Variants in PATL1 observed in about 807,000 individuals in gnomAD.
PATL1 encodes protein PAT1 homolog 1.
Under a neutral mutation model 100.6 loss-of-function variants are expected in PATL1, and 32 were observed. That is an observed-to-expected ratio of 0.32 (90% CI 0.24 to 0.43). PATL1 has a LOEUF of 0.43. Ranked by LOEUF, PATL1 falls within the 20% of genes least tolerant of loss-of-function variation. PATL1 has a pLI of 1.00. For synonymous variants in PATL1, 332 were observed against 330.0 expected (o/e 1.01, Z -0.07); for missense variants, 747 against 949.9 (o/e 0.79, Z 2.81).
chr11:59,644,246 C>T (rs886331734), intron 15 of PATL1, among the ~76,000 whole-genome samples: 5 of 152,124 alleles, frequency 3.3e-5, no homozygotes, highest in Non-Finnish European at 7.4e-5. Context: ...CATATCATTT[C>T]ATCCCAAAAT....
intron 15 of PATL1, among the ~76,000 whole-genome samples, chr11:59,643,267 A>T (rs923028014): frequency 6.6e-6 from 1 of 152,090 alleles, no homozygotes; most frequent in Admixed American, 6.5e-5. Context: ...GTAAAAAAAA[A>T]TCACTCCCAA....
chr11:59,668,899 TGGGGAGGG>T lies in PATL1; in HGVS notation c.-12_-5del. Reference sequence around the variant, plus strand: ...AGCTCACCTCGTAGCGGAACATTCTTGGGGAGGGGGGCAGGGAGCGGGGAGGGGAGAGG... The same window carrying T: ...AGCTCACCTCGTAGCGGAACATTCTTGGGCAGGGAGCGGGGAGGGGAGAGG... On this transcript the variant is annotated 5_prime_UTR_variant, in exon 1 of 19. Coordinates refer to ENST00000300146, the MANE Select transcript of PATL1 (RefSeq NM_152716.3). The T allele has an allele frequency of 4.5e-6, 3 of 667,752 alleles. No homozygotes were observed. The highest frequency in any genetic ancestry group is 6.3e-6 in the Non-Finnish European group (3 of 478,258). 41.4% of individuals were successfully genotyped at this position (667,752 alleles called of 1,614,324 possible). A position where few individuals can be genotyped will look rare whatever the true frequency, so the allele number is the denominator to read the frequency against.
chr11:59,664,474 T>C (rs1412411213), intron 2 of PATL1, among the ~76,000 whole-genome samples: 2 of 152,314 alleles, frequency 1.3e-5, no homozygotes, highest in East Asian at 3.9e-4. Context: ...ACTGAAGAAT[T>C]TGTTGAAAAA....
chr11:59,654,100 G>A (rs760414031), intron 8 of PATL1, 28 bp from the exon 9 acceptor site: 1 of 1,572,792 alleles, frequency 6.4e-7, no homozygotes, highest in Non-Finnish European at 8.8e-7. Context: ...GAGGTTCTCA[G>A]TTTGGTCATC....
In PATL1 at chr11:59,659,410, C is replaced by T. The variant is rs933076902; in HGVS notation, c.187G>A (p.Ala63Thr). Residue 63 changes from alanine to threonine, a missense_variant, in exon 3 of 19, where the codon GCA (alanine) becomes ACA (threonine). Transcript: ENST00000300146. ...CCATTGCCTGTTTGTTCATTAACTG[C>T]CACTGGTAGCTTTTCTTCCAATTCA... ...LAELEEKLPV[A>T]VNEQTGNGER... 12 of 1,551,414 alleles carry T rather than the reference C, an allele frequency of 7.7e-6. No homozygotes were observed. In the African/African-American group the frequency reaches 1.6e-4, roughly 21 times the overall value.
At position 59,655,938 on chromosome 11, in the gene PATL1, G is replaced by C. The variant is rs183170297; in HGVS notation, c.813+18C>G. 1 of 1,551,124 alleles carries C rather than the reference G, an allele frequency of 6.4e-7. No individual in the cohort carries two copies. Among genetic ancestry groups the C allele is most frequent in the East Asian group, 2.3e-5 (1 of 43,354 alleles). ...AAGTAGGAGAGTTCTTTATGGGTAG[G>C]GCTAATCACAGGCTTACCTGTGCTC... On this transcript the variant is annotated intron_variant, in intron 7 of 18. Transcript: ENST00000300146.
intron 16 of PATL1, among the ~76,000 whole-genome samples, chr11:59,641,401 G>C (rs1477555067): frequency 1.3e-5 from 2 of 152,082 alleles, no homozygotes; most frequent in African/African-American, 4.8e-5. Context: ...TAAAAGGAAG[G>C]CTGGCAGTAC....
chr11:59,639,995 A>G (rs376589944), intron 16 of PATL1: 15 of 152,400 alleles, frequency 9.8e-5, no homozygotes, highest in African/African-American at 3.4e-4. Context: ...GGGTAAACAG[A>G]TGTATACACC....
In PATL1 at chr11:59,636,957, A is replaced by G. The variant is rs150128153; in HGVS notation, c.*1433T>C. On this transcript the variant is annotated 3_prime_UTR_variant, in exon 19 of 19. Transcript: ENST00000300146. ...AACATCACTGGGGAACAGCTGGTGG[A>G]GCCTGGGGTTACAGCATGGGAAGAA... 1.5e-3 allele frequency: 225 copies of G among 152,838 alleles called. 1 individual carries two copies. Among genetic ancestry groups the G allele is most frequent in the East Asian group, 0.013 (69 of 5,182 alleles). 9.5% of individuals were successfully genotyped at this position (152,838 alleles called of 1,614,324 possible).
At chr11:59,642,740 G>A (rs34350918) in intron 16 of PATL1, 140 bp downstream of exon 16, 21 of 864,984 alleles carry the variant, frequency 2.4e-5, no homozygotes, top group South Asian at 4.5e-5. Flanking sequence ...ATTTCTAGCC[G>A]GTTACTAGGA....
chr11:59,657,761 C>A, intron 4 of PATL1, 37 bp from the exon 5 acceptor site: 2 of 1,482,604 alleles, frequency 1.3e-6, no homozygotes, highest in South Asian at 1.3e-5. Context: ...TAGAAATTAA[C>A]TAACTTGGTA....
intron 2 of PATL1, among the ~76,000 whole-genome samples, chr11:59,661,603 TAACC>T (rs915131148): frequency 6.6e-6 from 1 of 152,224 alleles, no homozygotes; most frequent in African/African-American, 2.4e-5. Context: ...TAACAGGTTA[TAACC>T]AACACAGAAA....
intron 15 of PATL1, among the ~76,000 whole-genome samples, chr11:59,645,155 A>G (rs919663395): frequency 1.5e-5 from 2 of 131,374 alleles, no homozygotes; most frequent in Non-Finnish European, 3.2e-5. Flanking sequence ...TACAGAACAA[A>G]ATGAAAAGTC....
chr11:59,651,528 T>C lies in PATL1; in HGVS notation c.1524+16A>G, dbSNP rs770644063. Reference sequence around the variant, plus strand: ...AAATCAGACGTTCTTAAACAGACAATTGTGTTGACACTTACATCATCCTCA... The same window carrying C: ...AAATCAGACGTTCTTAAACAGACAACTGTGTTGACACTTACATCATCCTCA... On this transcript the variant is annotated intron_variant, in intron 12 of 18. Coordinates refer to ENST00000300146, the MANE Select transcript of PATL1 (RefSeq NM_152716.3). The C allele has an allele frequency of 1.1e-5, 18 of 1,581,962 alleles. No individual in the cohort carries two copies. The highest frequency in any genetic ancestry group is 5.4e-5 in the African/African-American group (4 of 73,976).
intron 3 of PATL1, 87 bp from the exon 4 acceptor site, chr11:59,659,033 G>A: frequency 8.0e-7 from 1 of 1,249,294 alleles, no homozygotes; most frequent in African/African-American, 1.5e-5. Context: ...GGTTCCAAAA[G>A]AGCCTCAAGC....
Position 59,654,033 on chromosome 11 carries a change from G to A in PATL1, c.1071C>T (p.Leu357=), listed in dbSNP as rs1302724406. The change falls in exon 9 of 19, where the codon CTC becomes CTT. Residue 357 remains leucine (L), a synonymous_variant. Transcript: ENST00000300146. ...GCAAGAGTCGACGGTGCTGTGGATGGAGGTGAGTTGTGTCCGGTCTAAACA... is the reference window on the plus strand; with the variant it reads ...GCAAGAGTCGACGGTGCTGTGGATGAAGGTGAGTTGTGTCCGGTCTAAACA... ...APMFRPDTTH[L]HPQHRRLLHQ... 2 of 1,613,862 alleles carry A rather than the reference G, an allele frequency of 1.2e-6. No individual in the cohort carries two copies. The highest frequency in any genetic ancestry group is 1.1e-5 in the South Asian group (1 of 91,084).
chr11:59,643,722 ATTTTC>A (rs1318405601), intron 15 of PATL1, among the ~76,000 whole-genome samples: 1 of 152,024 alleles, frequency 6.6e-6, no homozygotes, highest in East Asian at 1.9e-4. Context: ...GATTTAATGT[ATTTTC>A]TTTTATTTTT....
chr11:59,653,973 G>A lies in PATL1; in HGVS notation c.1121+10C>T. Reference sequence around the variant, plus strand: ...TTAAGAAGCCATAAAGGAATCGGATGAGTACTTACCTTCTATTCTGTTGCT... The same window carrying A: ...TTAAGAAGCCATAAAGGAATCGGATAAGTACTTACCTTCTATTCTGTTGCT... On this transcript the variant is annotated intron_variant, in intron 9 of 18. Transcript: ENST00000300146. 6.3e-7 allele frequency: 1 copy of A among 1,598,186 alleles called. No homozygotes were observed. The highest frequency in any genetic ancestry group is 1.3e-5 in the African/African-American group (1 of 74,684).
chr11:59,657,093 C>T (rs907519757), intron 5 of PATL1: 6 of 985,200 alleles, frequency 6.1e-6, no homozygotes, highest in African/African-American at 1.7e-5. Flanking sequence ...CCAAATTGGC[C>T]TTCCTTTTCA....
Sources: gnomAD v4.1 joint callset for allele counts (sites outside exome capture counted in the v4.1 genomes callset) on GRCh38, gnomAD v4.1.1 for gene constraint, MANE v1.5 for transcripts, NCBI Gene and HGNC (gene_info 2026-07-23, HGNC 2026-07-21) for gene names.